BRAF: variants seen among roughly 807,000 people sequenced by gnomAD.
BRAF encodes the protein B-Raf proto-oncogene, serine/threonine kinase, also known as serine/threonine-protein kinase B-raf.
BRAF carries 16 observed loss-of-function variants against 104.6 expected under a neutral mutation model. The observed-to-expected ratio is 0.15, with a 90% CI of 0.10 to 0.23. The LOEUF (loss-of-function observed/expected upper bound fraction) is 0.23, where lower values mean the gene tolerates loss of function less well. BRAF is among the 10% of genes least tolerant of loss of function. BRAF has a pLI of 1.00. For synonymous variants in BRAF, 310 were observed against 341.6 expected (o/e 0.91, Z 1.02); for missense variants, 541 against 937.3 (o/e 0.58, Z 5.52).
At chr7:140,767,750 G>A (rs142730089) in intron 14 of BRAF, among the ~76,000 whole-genome samples, 4 of 152,254 alleles carry the variant, frequency 2.6e-5, no homozygotes, top group African/African-American at 9.6e-5. Context: ...ATACACCCTG[G>A]AGCTGAAGTA....
chr7:140,764,012 C>T (rs1476476422), intron 14 of BRAF, among the ~76,000 whole-genome samples: 1 of 152,134 alleles, frequency 6.6e-6, no homozygotes, highest in Non-Finnish European at 1.5e-5. Context: ...AATTTTAGAC[C>T]GATATCCTTG....
chr7:140,831,722 G>A (rs1237974217), intron 3 of BRAF, among the ~76,000 whole-genome samples: 5 of 152,096 alleles, frequency 3.3e-5, no homozygotes, highest in Non-Finnish European at 7.4e-5. Context: ...TTTGAATTCA[G>A]AATTTCAATG....
intron 2 of BRAF, among the ~76,000 whole-genome samples, chr7:140,849,298 T>G (rs977376756): frequency 1.3e-5 from 2 of 152,094 alleles, no homozygotes; most frequent in Admixed American, 1.3e-4. Context: ...TGAATATAAA[T>G]TTACAATTAT....
intron 3 of BRAF, chr7:140,823,825 ATCT>A (rs746766597): frequency 6.6e-6 from 1 of 152,144 alleles, no homozygotes; most frequent in Non-Finnish European, 1.5e-5. Context: ...AACTCTTGTT[ATCT>A]TCTTTTTTGT....
rs1795310521 is a variant in BRAF at position 140,721,247 on chromosome 7, T to C, written c.*5247A>G. The C allele has an allele frequency of 9.0e-7, 1 of 1,108,232 alleles. No homozygotes were observed. Among genetic ancestry groups the C allele is most frequent in the East Asian group, 4.5e-5 (1 of 22,260 alleles). The allele number at this position is 1,108,232 out of a possible 1,614,324, so 68.6% of individuals were successfully genotyped here. On this transcript the variant is annotated 3_prime_UTR_variant, in exon 20 of 20. Coordinates refer to ENST00000644969, the MANE Select transcript of BRAF (RefSeq NM_001374258.1). Reference sequence around the variant, plus strand: ...AACAGTTGAAGTTGTGGATGTTAAATAAAAGTACTTTAGTCACTCATTGAG... The same window carrying C: ...AACAGTTGAAGTTGTGGATGTTAAACAAAAGTACTTTAGTCACTCATTGAG...
rs982500191 is a variant in BRAF at position 140,905,959 on chromosome 7, G to C, written c.138+18607C>G. On this transcript the variant is annotated intron_variant, in intron 1 of 19. Transcript: ENST00000644969. ...AAAAATTAGCCGGGCGTAGTGGCGGGCGCCTGTAGTCCCAGCTACTTGGGA... is the reference window on the plus strand; with the variant it reads ...AAAAATTAGCCGGGCGTAGTGGCGGCCGCCTGTAGTCCCAGCTACTTGGGA... 4.4e-3 allele frequency among the ~76,000 whole-genome samples: 654 copies of C among 148,058 alleles called. 6 individuals are homozygous for C. Among genetic ancestry groups the C allele is most frequent in the Non-Finnish European group, 7.7e-3 (515 of 66,662 alleles).
At position 140,725,833 on chromosome 7, in the gene BRAF, C is replaced by T. The variant is rs926341259; in HGVS notation, c.*661G>A. The T allele has an allele frequency of 1.0e-5, 11 of 1,062,812 alleles. No homozygotes were observed. The highest frequency in any genetic ancestry group is 1.6e-5 in the African/African-American group (1 of 60,908). 65.8% of individuals were successfully genotyped at this position (1,062,812 alleles called of 1,614,324 possible). The stretch of plus-strand genomic sequence containing the variant: ...CAAGGAAACAAAAGGCCAGAGACCC[C>T]GGAGGTCAGGAAGAAGATGCAGCAT... On this transcript the variant is annotated 3_prime_UTR_variant, in exon 20 of 20. Transcript: ENST00000644969.
intron 3 of BRAF, among the ~76,000 whole-genome samples, chr7:140,820,557 A>G (rs1562976558): frequency 6.6e-6 from 1 of 152,234 alleles, no homozygotes; most frequent in Non-Finnish European, 1.5e-5. Context: ...TATCAAGTAT[A>G]AAAGTAAAAG....
intron 4 of BRAF, chr7:140,808,283 G>A: frequency 4.1e-6 from 2 of 489,586 alleles, no homozygotes; most frequent in Middle Eastern, 3.1e-4. Flanking sequence ...GTAAAGAGAT[G>A]TACTCTTTTC....
intron 10 of BRAF, among the ~76,000 whole-genome samples, chr7:140,784,964 A>G (rs1423987869): frequency 6.6e-6 from 1 of 152,176 alleles, no homozygotes; most frequent in Non-Finnish European, 1.5e-5. Flanking sequence ...AGTTTTTACA[A>G]ATCAGTTTAA....
intron 1 of BRAF, among the ~76,000 whole-genome samples, chr7:140,854,957 A>G (rs1809612497): frequency 6.6e-6 from 1 of 152,154 alleles, no homozygotes; most frequent in Admixed American, 6.5e-5. Context: ...AAAAAAAAGT[A>G]AAAGAAAATG....
intron 12 of BRAF, chr7:140,780,049 C>A (rs530858667): frequency 6.6e-6 from 1 of 152,266 alleles, no homozygotes; most frequent in Admixed American, 6.5e-5. Flanking sequence ...AGTGCTTATT[C>A]TACTGTTTGT....
chr7:140,798,414 G>A (rs745821669), intron 7 of BRAF, among the ~76,000 whole-genome samples: 4 of 151,130 alleles, frequency 2.6e-5, no homozygotes, highest in Non-Finnish European at 5.9e-5. Context: ...CCGCCACCAC[G>A]CCCGGCTAAT....
intron 14 of BRAF, among the ~76,000 whole-genome samples, chr7:140,755,277 A>G (rs530240506): frequency 6.6e-6 from 1 of 152,362 alleles, no homozygotes; most frequent in African/African-American, 2.4e-5. Flanking sequence ...TTCTTAATTG[A>G]ATACCGGAGA....
At chr7:140,787,116 A>T (rs1487180328) in intron 9 of BRAF, among the ~76,000 whole-genome samples, 1 of 151,900 alleles carries the variant, frequency 6.6e-6, no homozygotes, top group Non-Finnish European at 1.5e-5. Flanking sequence ...CCTGGCTAAC[A>T]CGGTGAAACC....
intron 1 of BRAF, among the ~76,000 whole-genome samples, chr7:140,867,783 T>C (rs1159565860): frequency 2.0e-5 from 3 of 152,184 alleles, no homozygotes; most frequent in African/African-American, 7.2e-5. Flanking sequence ...AATTGGTATG[T>C]GCAACAGACA....
intron 14 of BRAF, among the ~76,000 whole-genome samples, chr7:140,764,786 A>G (rs1400486537): frequency 6.7e-6 from 1 of 150,314 alleles, no homozygotes; most frequent in Non-Finnish European, 1.5e-5. Context: ...CCACTGCTCA[A>G]TGAAATAAAA....
intron 3 of BRAF, among the ~76,000 whole-genome samples, chr7:140,827,389 T>C (rs979933729): frequency 4.6e-5 from 7 of 152,206 alleles, no homozygotes; most frequent in Non-Finnish European, 1.0e-4. Context: ...AGTCGTTATG[T>C]CCACTTCATG....
At chr7:140,912,453 C>G (rs1270945059) in intron 1 of BRAF, among the ~76,000 whole-genome samples, 2 of 152,184 alleles carry the variant, frequency 1.3e-5, no homozygotes, top group Admixed American at 1.3e-4. Context: ...AAATCCCTTT[C>G]CCTCTTACCT....
Sources: allele counts gnomAD v4.1 joint callset (sites outside exome capture counted in the v4.1 genomes callset), GRCh38; gene constraint gnomAD v4.1.1; transcripts MANE v1.5; gene names NCBI Gene and HGNC (gene_info 2026-07-23, HGNC 2026-07-21).